The following RPGRIP1L variants were observed in gnomAD, a reference collection of about 807,000 sequenced individuals.
The protein encoded by RPGRIP1L is RPGRIP1 like, also known as protein fantom.
Under a neutral mutation model 160.4 loss-of-function variants are expected in RPGRIP1L, and 131 were observed. The observed-to-expected ratio is 0.82, with a 90% CI of 0.71 to 0.94. RPGRIP1L has a LOEUF of 0.94. Among genes scored for constraint, RPGRIP1L ranks in the 40% least tolerant of loss-of-function variants. The pLI is 0.00. For missense variants in RPGRIP1L, 1,522 were observed against 1,535.8 expected, an observed-to-expected ratio of 0.99 and a Z score of 0.15; for synonymous variants, 510 against 515.8, an observed-to-expected ratio of 0.99 and a Z score of 0.15.
chr16:53,641,446 G>A lies in RPGRIP1L; in HGVS notation c.2713C>T (p.His905Tyr). The A allele has an allele frequency of 6.2e-7, 1 of 1,613,882 alleles. No homozygotes were observed. Among genetic ancestry groups the A allele is most frequent in the Admixed American group, 1.7e-5 (1 of 60,010 alleles). The part of the protein sequence containing the change: ...GIFELTDHQK[H>Y]PAGTIHVILK... ...ATAACATGGATGGTGCCAGCAGGAT[G>A]CTTTTGATGGTCTGTTAACTCAAAT... Residue 905 changes from histidine to tyrosine, a missense_variant, in exon 18 of 27, where the codon CAT (histidine) becomes TAT (tyrosine). By Grantham distance (83) the His-to-Tyr change is moderately conservative. Transcript: ENST00000647211.
chr16:53,654,488 T>C (rs1321648892), intron 14 of RPGRIP1L, among the ~76,000 whole-genome samples: 2 of 152,230 alleles, frequency 1.3e-5, no homozygotes, highest in Non-Finnish European at 2.9e-5. Context: ...ATACCTACTG[T>C]GTGAAGTCTT....
In RPGRIP1L at chr16:53,658,478, A is replaced by T; in HGVS notation, c.1351-14T>A. On this transcript the variant is annotated splice_polypyrimidine_tract_variant and intron_variant, in intron 11 of 26. Coordinates refer to ENST00000647211, the MANE Select transcript of RPGRIP1L (RefSeq NM_015272.5). Reference sequence around the variant, plus strand: ...AATATCATTCTCCTGCAATAGATTAAGTAAAAGCTCACAATGAGTTATGAA... The same window carrying T: ...AATATCATTCTCCTGCAATAGATTATGTAAAAGCTCACAATGAGTTATGAA... 1 of 1,593,592 alleles carries T rather than the reference A, an allele frequency of 6.3e-7. No homozygotes were observed. The highest frequency in any genetic ancestry group is 8.6e-7 in the Non-Finnish European group (1 of 1,161,640).
At position 53,672,914 on chromosome 16, in the gene RPGRIP1L, T is replaced by C; in HGVS notation, c.985A>G (p.Lys329Glu). The C allele has an allele frequency of 1.9e-6, 3 of 1,613,186 alleles. No individual in the cohort carries two copies. The highest frequency in any genetic ancestry group is 1.7e-6 in the Non-Finnish European group (2 of 1,179,488). ...EQRLKCCSLE[K>E]QLHSMKFSER... ...GAAAACTTCATAGAATGTAATTGTT[T>C]CTCAAGACTGCAGCATTTTAAACGC... Residue 329 changes from lysine to glutamate, a missense_variant, in exon 8 of 27, where the codon AAA becomes GAA. By Grantham distance (56) the Lys-to-Glu change is moderately conservative (BLOSUM62 1). Coordinates refer to ENST00000647211, the MANE Select transcript of RPGRIP1L (RefSeq NM_015272.5).
intron 22 of RPGRIP1L, among the ~76,000 whole-genome samples, chr16:53,625,107 C>T (rs1056516504): frequency 6.6e-6 from 1 of 152,158 alleles, no homozygotes; most frequent in Admixed American, 6.5e-5. Flanking sequence ...GTGATCTTGG[C>T]TCGCTACAAC....
chr16:53,610,148 G>A lies in RPGRIP1L; in HGVS notation c.3701+819C>T, dbSNP rs572237233. 1.1e-4 allele frequency among the ~76,000 whole-genome samples: 17 copies of A among 152,184 alleles called. No homozygotes were observed. The South Asian group carries it at 2.5e-3, about 22-fold the overall frequency. ...GGGGCACTGGAGAAACCAGTTTGCG[G>A]TTAATAAGCAGCACAGAGGTAACTC... On this transcript the variant is annotated intron_variant, in intron 25 of 26. Transcript: ENST00000647211.
intron 2 of RPGRIP1L, among the ~76,000 whole-genome samples, chr16:53,697,927 T>G (rs1189942274): frequency 1.2e-4 from 14 of 120,604 alleles, no homozygotes; most frequent in East Asian, 2.5e-4. Context: ...GAGCGCCTCT[T>G]CCCGGCCGCC....
At chr16:53,676,602 TA>T (rs1216417905) in intron 6 of RPGRIP1L, among the ~76,000 whole-genome samples, 4 of 152,090 alleles carry the variant, frequency 2.6e-5, no homozygotes, top group Non-Finnish European at 4.4e-5. Flanking sequence ...TTGTCTCTGA[TA>T]TTTTATTTTT....
At chr16:53,650,535 G>A (rs964610861) in intron 15 of RPGRIP1L, among the ~76,000 whole-genome samples, 1 of 152,100 alleles carries the variant, frequency 6.6e-6, no homozygotes, top group Non-Finnish European at 1.5e-5. Context: ...ACCAGCCTGG[G>A]CAACAGAGTG....
intron 24 of RPGRIP1L, among the ~76,000 whole-genome samples, chr16:53,612,581 T>C (rs1377319361): frequency 6.6e-6 from 1 of 151,476 alleles, no homozygotes; most frequent in African/African-American, 2.4e-5. Context: ...TTTTATGTCG[T>C]ACTGGCTTCC....
intron 4 of RPGRIP1L, among the ~76,000 whole-genome samples, chr16:53,689,586 C>G (rs1252645100): frequency 6.6e-6 from 1 of 152,158 alleles, no homozygotes; most frequent in Non-Finnish European, 1.5e-5. Context: ...AAGGCACAAA[C>G]AGAAAACAGT....
At chr16:53,637,537 A>G (rs1293010872) in intron 21 of RPGRIP1L, among the ~76,000 whole-genome samples, 158 bp downstream of exon 21, 2 of 152,174 alleles carry the variant, frequency 1.3e-5, no homozygotes, top group African/African-American at 4.8e-5. Flanking sequence ...CCTAACTACA[A>G]CTAAGAAGAT....
intron 3 of RPGRIP1L, chr16:53,695,610 T>A: frequency 1.7e-6 from 1 of 581,506 alleles, no homozygotes; most frequent in Middle Eastern, 4.5e-4. Context: ...TTTGCCAAGA[T>A]TTTTTGCACA....
At position 53,653,431 on chromosome 16, in the gene RPGRIP1L, A is replaced by G. The variant is rs568123857; in HGVS notation, c.1700-444T>C. The G allele has an allele frequency of 2.6e-5, 19 of 725,060 alleles. No individual in the cohort carries two copies. In the African/African-American group the frequency reaches 3.3e-4, roughly 12 times the overall value. 44.9% of individuals were successfully genotyped at this position (725,060 alleles called of 1,614,324 possible). A position where few individuals can be genotyped will look rare whatever the true frequency, so the allele number is the denominator to read the frequency against. ...TCGTGGGGTGATGGATAAGTTTATT[A>G]TCCTGATCATGATGATGGTTTCACC... On this transcript the variant is annotated intron_variant, in intron 14 of 26. Transcript: ENST00000647211.
chr16:53,652,436 A>G, intron 15 of RPGRIP1L, 99 bp downstream of exon 15: 1 of 933,244 alleles, frequency 1.1e-6, no homozygotes. Flanking sequence ...CTCTAAAGGC[A>G]CCTTTAATAT....
At position 53,652,584 on chromosome 16, in the gene RPGRIP1L, G is replaced by C; in HGVS notation, c.2103C>G (p.His701Gln). Residue 701 changes from histidine to glutamine, a missense_variant, in exon 15 of 27, where the codon CAC becomes CAG. Physicochemically the swap from His to Gln is conservative, Grantham distance 24. Coordinates refer to ENST00000647211, the MANE Select transcript of RPGRIP1L (RefSeq NM_015272.5). The part of the protein sequence containing the change: ...ETIAACQLKF[H>Q]EILEKSGRIF... ...TTCGGCCGCTTTTTTCAAGAATTTC[G>C]TGAAATTTTAATTGACATGCTGCAA... The C allele has an allele frequency of 6.2e-7, 1 of 1,613,976 alleles. No homozygotes were observed. Among genetic ancestry groups the C allele is most frequent in the Non-Finnish European group, 8.5e-7 (1 of 1,179,970 alleles).
At chr16:53,602,566 G>C (rs543499118) in intron 26 of RPGRIP1L, among the ~76,000 whole-genome samples, 1 of 152,180 alleles carries the variant, frequency 6.6e-6, no homozygotes, top group African/African-American at 2.4e-5. Flanking sequence ...ACCTGAGGTT[G>C]AGAGTTTGAA....
At chr16:53,608,763 A>T (rs1963840471) in intron 25 of RPGRIP1L, among the ~76,000 whole-genome samples, 1 of 152,146 alleles carries the variant, frequency 6.6e-6, no homozygotes, top group Non-Finnish European at 1.5e-5. Flanking sequence ...AAATAATGTG[A>T]CCTCTGAGTA....
intron 18 of RPGRIP1L, 76 bp downstream of exon 18, chr16:53,641,209 G>T: frequency 6.7e-7 from 1 of 1,498,262 alleles, no homozygotes. Context: ...TTTTTGGTGG[G>T]GGTGGCAGCT....
intron 3 of RPGRIP1L, chr16:53,695,253 A>T (rs1422868327): frequency 1.5e-6 from 1 of 681,812 alleles, no homozygotes; most frequent in Non-Finnish European, 2.7e-6. Context: ...TCAGAAAAGG[A>T]ATCAGGCAAG....
Sources: gnomAD v4.1 joint callset for allele counts (sites outside exome capture counted in the v4.1 genomes callset) on GRCh38, gnomAD v4.1.1 for gene constraint, MANE v1.5 for transcripts, NCBI Gene and HGNC (gene_info 2026-07-23, HGNC 2026-07-21) for gene names.